RAPGEF3: variants seen among roughly 807,000 people sequenced by gnomAD.
The protein encoded by RAPGEF3 is 9330170P05Rik.
Under a neutral mutation model 129.8 loss-of-function variants are expected in RAPGEF3, and 103 were observed. The observed-to-expected ratio is 0.79, with a 90% confidence interval of 0.68 to 0.93. The LOEUF (loss-of-function observed/expected upper bound fraction) is 0.93, where lower values mean the gene tolerates loss of function less well. RAPGEF3 is among the 40% of genes least tolerant of loss of function. The probability of loss-of-function intolerance (pLI) is 0.00; values close to 1 mark genes in which losing one functional copy is unlikely to be tolerated. For synonymous variants in RAPGEF3, 436 were observed against 482.6 expected, an observed-to-expected ratio of 0.90 and a Z score of 1.26; for missense variants, 1,117 against 1,207.4, an observed-to-expected ratio of 0.93 and a Z score of 1.11.
rs1404060231 is a variant in RAPGEF3, at chr12:47,749,883, C to T, written c.817+47G>A. 3 of 1,613,884 alleles carry T rather than the reference C, an allele frequency of 1.9e-6. No individual in the cohort carries two copies. Among genetic ancestry groups the T allele is most frequent in the Admixed American group, 1.7e-5 (1 of 60,030 alleles). On this transcript the variant is annotated intron_variant, in intron 8 of 27. Coordinates refer to ENST00000449771, the MANE Select transcript of RAPGEF3 (RefSeq NM_001098531.4). This position sits in a 1 kb window ranked among gnomAD's most constrained non-coding sequence, Gnocchi z 4.5. ...ACCATTCCTTCACACATCCTTCTGC[C>T]CATGTCCAGGCCCTGTGCCTGGCTT...
At chr12:47,740,526 G>A in intron 21 of RAPGEF3, 116 bp downstream of exon 21, 2 of 1,481,508 alleles carry the variant, frequency 1.3e-6, no homozygotes, top group Non-Finnish European at 1.9e-6. Context: ...GGCTCCAGGG[G>A]ACCCAGGGAA....
Position 47,738,638 on chromosome 12 carries a change from TC to T in RAPGEF3, c.2526+51del, listed in dbSNP as rs1409023841. 11 of 1,481,568 alleles carry T rather than the reference TC, an allele frequency of 7.4e-6. No individual in the cohort carries two copies. In the East Asian group the frequency reaches 2.5e-4, roughly 34 times the overall value. 91.8% of individuals were successfully genotyped at this position (1,481,568 alleles called of 1,614,324 possible). On this transcript the variant is annotated intron_variant, in intron 25 of 27. Transcript: ENST00000449771. The stretch of plus-strand genomic sequence containing the variant: ...AGCCCTGCCCCTTCCCAGGCCACAG[TC>T]ATGTCCTCCAACCTATGTTAGTAGT...
intron 2 of RAPGEF3, among the ~76,000 whole-genome samples, chr12:47,756,805 C>T (rs968723071): frequency 3.9e-5 from 6 of 151,966 alleles, no homozygotes; most frequent in African/African-American, 1.4e-4. Context: ...CCCATCTCTA[C>T]TAAAAATACA....
At position 47,741,550 on chromosome 12, in the gene RAPGEF3, G is replaced by T. The variant is rs1414640528; in HGVS notation, c.1878C>A (p.Leu626=). The T allele has an allele frequency of 1.2e-6, 2 of 1,614,154 alleles. No individual in the cohort carries two copies. The highest frequency in any genetic ancestry group is 2.2e-5 in the South Asian group (2 of 91,084). The part of the protein sequence containing the change: ...DARGVATSLG[L]NERLFVVNPQ... ...GGTTGACAACAAAGAGACGCTCATT[G>T]AGCCCCAGAGATGTGGCCACACCAC... Residue 626 remains leucine, a synonymous_variant, in exon 19 of 28, where the codon CTC becomes CTA. Coordinates refer to ENST00000449771, the MANE Select transcript of RAPGEF3 (RefSeq NM_001098531.4).
chr12:47,753,112 C>T (rs1198311237), intron 2 of RAPGEF3, among the ~76,000 whole-genome samples: 1 of 152,196 alleles, frequency 6.6e-6, no homozygotes, highest in African/African-American at 2.4e-5. Flanking sequence ...GCACAATCGC[C>T]CCCTTGATTT....
In RAPGEF3 at chr12:47,734,650, G is replaced by T. The variant is rs1299099487; in HGVS notation, c.*2917C>A. The stretch of plus-strand genomic sequence containing the variant: ...ACGTAACGTGAGACAGGGTGAAGAT[G>T]AAAGAAGATGAAAACACCATTCAAG... On this transcript the variant is annotated 3_prime_UTR_variant, in exon 28 of 28. Transcript: ENST00000449771. 6.6e-6 allele frequency: 1 copy of T among 152,262 alleles called. No individual in the cohort carries two copies. The highest frequency in any genetic ancestry group is 2.4e-5 in the African/African-American group (1 of 41,470). 9.4% of individuals were successfully genotyped at this position (152,262 alleles called of 1,614,324 possible).
rs1940850253 is a variant in RAPGEF3 at position 47,737,542 on chromosome 12, C to T, written c.*25G>A. 6.2e-7 allele frequency: 1 copy of T among 1,601,394 alleles called. No individual in the cohort carries two copies. Among genetic ancestry groups the T allele is most frequent in the Non-Finnish European group, 8.5e-7 (1 of 1,172,058 alleles). On this transcript the variant is annotated 3_prime_UTR_variant, in exon 28 of 28. Coordinates refer to ENST00000449771, the MANE Select transcript of RAPGEF3 (RefSeq NM_001098531.4). Reference sequence around the variant, plus strand: ...TGGCTTTCCCGGCTGCAAGTGCCTGCTCCAGCTCCAGTCCCAGCCCCTCCT... The same window carrying T: ...TGGCTTTCCCGGCTGCAAGTGCCTGTTCCAGCTCCAGTCCCAGCCCCTCCT...
Position 47,749,201 on chromosome 12 carries a change from CCTT to C in RAPGEF3, c.1041+186_1041+188del. The stretch of plus-strand genomic sequence containing the variant: ...CTGAAGTCACTGGTCTCACTGAACT[CCTT>C]CTGTGCCTTATGGGCTTCACCTTCT... On this transcript the variant is annotated intron_variant, in intron 10 of 27. Coordinates refer to ENST00000449771, the MANE Select transcript of RAPGEF3 (RefSeq NM_001098531.4). This position sits in a 1 kb window ranked among gnomAD's most constrained non-coding sequence, Gnocchi z 4.5. The C allele has an allele frequency of 5.5e-6, 4 of 729,608 alleles. No homozygotes were observed. The highest frequency in any genetic ancestry group is 1.7e-5 in the African/African-American group (1 of 57,244). 45.2% of individuals were successfully genotyped at this position (729,608 alleles called of 1,614,324 possible).
intron 11 of RAPGEF3, 132 bp from the exon 12 acceptor site, chr12:47,748,674 C>A: frequency 9.6e-7 from 1 of 1,037,144 alleles, no homozygotes; most frequent in South Asian, 1.4e-5. Flanking sequence ...AGGGAGGAGA[C>A]TGGCTCAGCA....
chr12:47,739,894 C>T, intron 23 of RAPGEF3: 1 of 578,396 alleles, frequency 1.7e-6, no homozygotes, highest in East Asian at 2.9e-5. Context: ...GGATCTCCTG[C>T]CCCCATGCAC....
intron 6 of RAPGEF3, among the ~76,000 whole-genome samples, chr12:47,750,712 C>T (rs1197711709): frequency 6.6e-6 from 1 of 152,218 alleles, no homozygotes. Context: ...GCCAGTCCAG[C>T]TGGAATTTGA....
intron 25 of RAPGEF3, among the ~76,000 whole-genome samples, 196 bp from the exon 26 acceptor site, chr12:47,738,443 G>T (rs1183620169): frequency 1.3e-5 from 2 of 152,172 alleles, no homozygotes; most frequent in Admixed American, 1.3e-4. Context: ...AGAAGGCAGA[G>T]GCCAGGAGAG....
chr12:47,743,873 C>T (rs1941288560), intron 17 of RAPGEF3, 114 bp downstream of exon 17: 17 of 1,358,468 alleles, frequency 1.3e-5, no homozygotes, highest in Non-Finnish European at 1.7e-5. Context: ...AGGAGTACAG[C>T]GTGCCACCTT....
chr12:47,743,703 G>A lies in RAPGEF3; in HGVS notation c.1679-27C>T, dbSNP rs371739368. Reference sequence around the variant, plus strand: ...TGAAGAGGAGACCAGACTGAGCTGTGGGAAGGGCTGCCTGATCTCCACCCC... The same window carrying A: ...TGAAGAGGAGACCAGACTGAGCTGTAGGAAGGGCTGCCTGATCTCCACCCC... On this transcript the variant is annotated intron_variant, in intron 17 of 27. Transcript: ENST00000449771. 1.7e-5 allele frequency: 27 copies of A among 1,593,734 alleles called. No individual in the cohort carries two copies. In the African/African-American group the frequency reaches 3.6e-4, roughly 21 times the overall value.
At chr12:47,750,999 G>T in intron 6 of RAPGEF3, 49 bp downstream of exon 6, 1 of 1,567,456 alleles carries the variant, frequency 6.4e-7, no homozygotes. Flanking sequence ...CGTGAAATCT[G>T]AGTGCTGTGT....
intron 18 of RAPGEF3, 21 bp from the exon 19 acceptor site, chr12:47,741,623 G>T: frequency 6.3e-7 from 1 of 1,581,504 alleles, no homozygotes; most frequent in Non-Finnish European, 8.7e-7. Flanking sequence ...AGCAGAGGCG[G>T]ACTGGGTGGG....
At chr12:47,746,987 G>C in intron 15 of RAPGEF3, 88 bp from the exon 16 acceptor site, 1 of 1,304,486 alleles carries the variant, frequency 7.7e-7, no homozygotes, top group Non-Finnish European at 1.1e-6. Flanking sequence ...ATTCTCCCCG[G>C]CCCTCACCAG....
intron 18 of RAPGEF3, 53 bp downstream of exon 18, chr12:47,743,477 C>A: frequency 6.4e-7 from 1 of 1,569,602 alleles, no homozygotes; most frequent in Non-Finnish European, 8.7e-7. Flanking sequence ...GGGACCTGGG[C>A]GCAGATCCGA....
At chr12:47,755,364 G>T (rs1941992654) in intron 2 of RAPGEF3, among the ~76,000 whole-genome samples, 1 of 152,170 alleles carries the variant, frequency 6.6e-6, no homozygotes, top group Non-Finnish European at 1.5e-5. Context: ...TGGCACATAA[G>T]TACTGTATAA....
Sources: allele counts gnomAD v4.1 joint callset (sites outside exome capture counted in the v4.1 genomes callset), GRCh38; gene constraint gnomAD v4.1.1; non-coding constraint Gnocchi (gnomAD v3.1); transcripts MANE v1.5; gene names NCBI Gene and HGNC (gene_info 2026-07-23, HGNC 2026-07-21).